Variants in WWOX observed in about 807,000 individuals in gnomAD.
WWOX encodes the protein WW domain containing oxidoreductase, also known as WW domain-containing oxidoreductase.
Under a neutral mutation model 46.2 loss-of-function variants are expected in WWOX, and 69 were observed. The ratio of observed to expected loss-of-function variants is 1.49; its 90% CI spans 1.23 to 1.82. WWOX has a LOEUF of 1.82. WWOX is among the 40% of genes most tolerant of loss of function. The pLI is 0.00. For missense variants in WWOX, 919 were observed against 542.6 expected (o/e 1.69, Z -6.89); for synonymous variants, 359 against 202.6 (o/e 1.77, Z -6.56).
intron 5 of WWOX, among the ~76,000 whole-genome samples, chr16:78,277,351 C>T (rs1299494110): frequency 2.0e-5 from 3 of 152,106 alleles, no homozygotes; most frequent in Non-Finnish European, 4.4e-5. Flanking sequence ...CCTTTCTTTC[C>T]TGCCCATTGC....
At chr16:78,955,935 A>T (rs937098818) in intron 8 of WWOX, among the ~76,000 whole-genome samples, 1 of 152,020 alleles carries the variant, frequency 6.6e-6, no homozygotes, top group Non-Finnish European at 1.5e-5. Context: ...TGCATGAGCC[A>T]CCATGCCTGG....
chr16:78,741,841 T>G (rs1356934875), intron 8 of WWOX, among the ~76,000 whole-genome samples: 1 of 152,208 alleles, frequency 6.6e-6, no homozygotes, highest in Non-Finnish European at 1.5e-5. Flanking sequence ...GGCGGCAGAG[T>G]GAGACGCTGT....
chr16:79,033,135 G>A (rs1306646795), intron 8 of WWOX, among the ~76,000 whole-genome samples: 3 of 147,692 alleles, frequency 2.0e-5, no homozygotes, highest in Non-Finnish European at 3.0e-5. Context: ...ATTCCACGGT[G>A]TAGATGTAAT....
chr16:78,499,124 A>G (rs2084990535), intron 8 of WWOX, among the ~76,000 whole-genome samples: 1 of 152,136 alleles, frequency 6.6e-6, no homozygotes, highest in South Asian at 2.1e-4. Context: ...TAAGTATGAA[A>G]ACCATGTGGG....
chr16:78,253,209 C>G (rs1054763485), intron 5 of WWOX, among the ~76,000 whole-genome samples: 1 of 152,164 alleles, frequency 6.6e-6, no homozygotes, highest in Non-Finnish European at 1.5e-5. Context: ...AAGTAATTTA[C>G]TTAAGGTCCT....
chr16:78,429,787 T>C (rs2083175154), intron 7 of WWOX, among the ~76,000 whole-genome samples: 1 of 152,228 alleles, frequency 6.6e-6, no homozygotes, highest in Non-Finnish European at 1.5e-5. Context: ...TTCGATATGA[T>C]AGCTTTACTG....
intron 8 of WWOX, among the ~76,000 whole-genome samples, chr16:79,114,889 C>G (rs1248389136): frequency 1.3e-5 from 2 of 152,316 alleles, no homozygotes; most frequent in African/African-American, 4.8e-5. Flanking sequence ...TTCATGTTTC[C>G]CAGCCCATTG....
intron 8 of WWOX, among the ~76,000 whole-genome samples, chr16:78,621,295 A>G (rs1370602397): frequency 1.3e-5 from 2 of 152,010 alleles, no homozygotes; most frequent in African/African-American, 2.4e-5. Flanking sequence ...TAACTCACAG[A>G]TCTATCTTTT....
chr16:78,929,345 C>G (rs929137100), intron 8 of WWOX, among the ~76,000 whole-genome samples: 1 of 151,694 alleles, frequency 6.6e-6, no homozygotes, highest in South Asian at 2.1e-4. Flanking sequence ...TTTTCAGTTT[C>G]TATATAGTGC....
At chr16:78,283,596 G>A (rs545420465) in intron 5 of WWOX, among the ~76,000 whole-genome samples, 102 of 151,944 alleles carry the variant, frequency 6.7e-4, no homozygotes, top group Non-Finnish European at 1.1e-3. Context: ...ACTCACATAG[G>A]ATGAATGTGG....
Position 78,744,138 on chromosome 16 carries a change from T to C in WWOX, c.1056+311386T>C, listed in dbSNP as rs1327102935. 2.0e-5 allele frequency among the ~76,000 whole-genome samples: 3 copies of C among 152,148 alleles called. No homozygotes were observed. In the East Asian group the frequency reaches 5.8e-4, roughly 29 times the overall value. On this transcript the variant is annotated intron_variant, in intron 8 of 8. Transcript: ENST00000566780. The stretch of plus-strand genomic sequence containing the variant: ...AGCAGCGTGTGCTCTGAGAACACAG[T>C]AAACAGGCATTTGATACAGATCAGA...
chr16:78,529,041 C>G (rs143062913), intron 8 of WWOX, among the ~76,000 whole-genome samples: 1 of 150,712 alleles, frequency 6.6e-6, no homozygotes, highest in African/African-American at 2.4e-5. Flanking sequence ...ATAGCCTTGA[C>G]CTCTCTGGCT....
chr16:78,823,322 A>C (rs1225317291), intron 8 of WWOX, among the ~76,000 whole-genome samples: 1 of 152,164 alleles, frequency 6.6e-6, no homozygotes, highest in African/African-American at 2.4e-5. Flanking sequence ...GTTGATGATC[A>C]CATTATTGTG....
intron 8 of WWOX, among the ~76,000 whole-genome samples, chr16:78,927,153 T>C (rs1258881426): frequency 4.6e-5 from 7 of 152,224 alleles, no homozygotes; most frequent in Non-Finnish European, 1.0e-4. Context: ...GCCTGAGTTT[T>C]CTCCTGTATA....
intron 8 of WWOX, among the ~76,000 whole-genome samples, chr16:78,667,467 A>C (rs536681107): frequency 3.9e-5 from 6 of 151,928 alleles, no homozygotes; most frequent in Non-Finnish European, 7.4e-5. Flanking sequence ...TCAGGAGTTC[A>C]AGACCATCCT....
intron 8 of WWOX, among the ~76,000 whole-genome samples, chr16:78,650,294 C>G (rs528284064): frequency 3.3e-5 from 5 of 152,150 alleles, no homozygotes; most frequent in Non-Finnish European, 4.4e-5. Context: ...TGTGTATCCG[C>G]TTTTTGTCTT....
At chr16:78,127,168 C>T (rs1405368581) in intron 4 of WWOX, among the ~76,000 whole-genome samples, 1 of 152,148 alleles carries the variant, frequency 6.6e-6, no homozygotes, top group Non-Finnish European at 1.5e-5. Flanking sequence ...TCCTGTTCCA[C>T]CTCTGTGCAA....
chr16:79,156,387 C>T (rs970702314), intron 8 of WWOX, among the ~76,000 whole-genome samples: 11 of 152,192 alleles, frequency 7.2e-5, no homozygotes, highest in African/African-American at 2.4e-4. Flanking sequence ...TCTCGAACTC[C>T]TGACCTCAAG....
chr16:78,218,390 G>T (rs909072238), intron 5 of WWOX, among the ~76,000 whole-genome samples: 16 of 151,982 alleles, frequency 1.1e-4, no homozygotes, highest in African/African-American at 3.9e-4. Context: ...CCTGGCCTTT[G>T]CTTGCCTTTC....
Sources: allele counts gnomAD v4.1 joint callset (sites outside exome capture counted in the v4.1 genomes callset), GRCh38; gene constraint gnomAD v4.1.1; transcripts MANE v1.5; gene names NCBI Gene and HGNC (gene_info 2026-07-23, HGNC 2026-07-21).